The following HCRTR2 variants were observed in gnomAD, a reference collection of about 807,000 sequenced individuals.
The protein encoded by HCRTR2 is orexin receptor type 2.
Under a neutral mutation model 49.0 loss-of-function variants are expected in HCRTR2, and 22 were observed. The observed-to-expected ratio is 0.45, with a 90% CI of 0.32 to 0.64. The LOEUF is 0.64. Among genes scored for constraint, HCRTR2 ranks in the 30% least tolerant of loss-of-function variants. HCRTR2 has a pLI of 0.04. For missense variants in HCRTR2, 491 were observed against 559.4 expected (o/e 0.88, Z 1.23); for synonymous variants, 236 against 205.3 (o/e 1.15, Z -1.28).
intron 1 of HCRTR2, among the ~76,000 whole-genome samples, chr6:55,166,404 A>C (rs200401229): frequency 1.0e-5 from 1 of 98,882 alleles, no homozygotes; most frequent in Non-Finnish European, 2.2e-5. Context: ...GAGAATTGTT[A>C]GTTTTTTTTT....
chr6:55,183,411 A>G (rs1262412048), intron 1 of HCRTR2, among the ~76,000 whole-genome samples: 1 of 152,222 alleles, frequency 6.6e-6, no homozygotes, highest in Non-Finnish European at 1.5e-5. Context: ...GTGTTAGGCA[A>G]TTGGGTAAGT....
chr6:55,143,333 C>T (rs1414894775), intron 1 of HCRTR2, among the ~76,000 whole-genome samples: 2 of 151,998 alleles, frequency 1.3e-5, no homozygotes, highest in East Asian at 1.9e-4. Flanking sequence ...GAATAAAATG[C>T]TTTTCTCCAG....
intron 1 of HCRTR2, among the ~76,000 whole-genome samples, chr6:55,192,680 A>T (rs1472747066): frequency 6.6e-6 from 1 of 152,302 alleles, no homozygotes; most frequent in East Asian, 1.9e-4. Context: ...GTAAGTATTG[A>T]TTGATAAAAC....
At chr6:55,227,361 A>G (rs1315555984) in intron 1 of HCRTR2, among the ~76,000 whole-genome samples, 2 of 152,190 alleles carry the variant, frequency 1.3e-5, no homozygotes, top group Admixed American at 6.5e-5. Context: ...CACAAAAGCT[A>G]TTACTATGGG....
At chr6:55,233,804 C>T (rs1205259591) in intron 1 of HCRTR2, among the ~76,000 whole-genome samples, 2 of 151,914 alleles carry the variant, frequency 1.3e-5, no homozygotes, top group Non-Finnish European at 2.9e-5. Flanking sequence ...AAACTATATT[C>T]AAAAATAGGA....
At chr6:55,236,206 G>A (rs1247081606) in intron 1 of HCRTR2, among the ~76,000 whole-genome samples, 2 of 151,546 alleles carry the variant, frequency 1.3e-5, no homozygotes, top group Admixed American at 6.6e-5. Flanking sequence ...GAAATCATGT[G>A]TTTCTCATTA....
chr6:55,264,396 ATGTT>A (rs1250717468), intron 4 of HCRTR2, among the ~76,000 whole-genome samples: 1 of 152,114 alleles, frequency 6.6e-6, no homozygotes, highest in Non-Finnish European at 1.5e-5. Context: ...GTATCAGTGA[ATGTT>A]TGTATTCATT....
chr6:55,221,580 A>G (rs550645952), intron 1 of HCRTR2, among the ~76,000 whole-genome samples: 15 of 151,948 alleles, frequency 9.9e-5, no homozygotes, highest in East Asian at 7.8e-4. Flanking sequence ...TTGGGAGGCC[A>G]AGGGGGTCAG....
At position 55,198,307 on chromosome 6, in the gene HCRTR2, A is replaced by G. The variant is rs116561758; in HGVS notation, c.223+23497A>G. ...CTATATCTCCAACCCTAACCCTAAC[A>G]TTAACCCCAAACTTATCATTAATCA... On this transcript the variant is annotated intron_variant, in intron 1 of 6. Transcript: ENST00000370862. Among the ~76,000 whole-genome samples, 677 of 152,204 alleles carry G rather than the reference A, an allele frequency of 4.4e-3. 1 individual carries two copies. Among genetic ancestry groups the G allele is most frequent in the African/African-American group, 0.015 (621 of 41,526 alleles).
chr6:55,241,861 A>ATTTTTTTTTTTTTTTTTTTTTTTT lies in HCRTR2; in HGVS notation c.224-6755_224-6754insTTTTTTTTTTTTTTTTTTTTTTTT, dbSNP rs917427627. Among the ~76,000 whole-genome samples, 58 of 92,516 alleles carry ATTTTTTTTTTTTTTTTTTTTTTTT rather than the reference A, an allele frequency of 6.3e-4. 6 individuals carry two copies. The highest frequency in any genetic ancestry group is 1.0e-3 in the African/African-American group (23 of 22,964). 60.7% of individuals were successfully genotyped at this position (92,516 alleles called of 152,430 possible). A position where few individuals can be genotyped will look rare whatever the true frequency, so the allele number is the denominator to read the frequency against. On this transcript the variant is annotated intron_variant, in intron 1 of 6. Coordinates refer to ENST00000370862, the MANE Select transcript of HCRTR2 (RefSeq NM_001384272.1). ...GTAGTCTGTCTTACTATGGCAACTA[A>ATTTTTTTTTTTTTTTTTTTTTTTT]TTTTTTTTTTTTTTTTTTTTTTTGT...
intron 4 of HCRTR2, among the ~76,000 whole-genome samples, chr6:55,265,069 T>A (rs1766837273): frequency 6.6e-6 from 1 of 152,118 alleles, no homozygotes; most frequent in South Asian, 2.1e-4. Context: ...TCCTCTGCTA[T>A]TACAAAGAAG....
chr6:55,281,874 T>G (rs949316314), intron 6 of HCRTR2, among the ~76,000 whole-genome samples: 1 of 152,198 alleles, frequency 6.6e-6, no homozygotes, highest in Non-Finnish European at 1.5e-5. Context: ...TTGTGTTTAA[T>G]TATTAAATAT....
chr6:55,282,563 CT>C lies in HCRTR2; in HGVS notation c.*121del, dbSNP rs112521597. 96,624 of 438,518 alleles carry C rather than the reference CT, an allele frequency of 0.22. 1 individual carries two copies. Among genetic ancestry groups the C allele is most frequent in the East Asian group, 0.28 (6,180 of 21,916 alleles). The allele number at this position is 438,518 out of a possible 1,614,324, so 27.2% of individuals were successfully genotyped here. On this transcript the variant is annotated 3_prime_UTR_variant, in exon 7 of 7. Coordinates refer to ENST00000370862, the MANE Select transcript of HCRTR2 (RefSeq NM_001384272.1). ...TGTGAAGCTAAAATTACTTGTGGAT[CT>C]TTTTTTTTTTTAATCTATTGCTCTT... is the stretch of plus-strand genomic sequence containing the variant.
In HCRTR2 at chr6:55,262,652, T is replaced by C. The variant is rs1766787846; in HGVS notation, c.647-1055T>C. ...AATATATAAATTTATAAATATATAA[T>C]GATTATATATTATATAATATATAAA... On this transcript the variant is annotated intron_variant, in intron 3 of 6. Transcript: ENST00000370862. 2.2e-5 allele frequency among the ~76,000 whole-genome samples: 3 copies of C among 139,504 alleles called. No individual in the cohort carries two copies. In the South Asian group the frequency reaches 6.4e-4, roughly 30 times the overall value. The allele number at this position is 139,504 out of a possible 152,430, so 91.5% of individuals were successfully genotyped here.
chr6:55,158,942 C>A (rs1039598978), intron 1 of HCRTR2, among the ~76,000 whole-genome samples: 1 of 152,154 alleles, frequency 6.6e-6, no homozygotes, highest in Non-Finnish European at 1.5e-5. Flanking sequence ...CCCAGCACAG[C>A]GCTCGAGCTC....
chr6:55,226,967 C>T (rs1766020723), intron 1 of HCRTR2, among the ~76,000 whole-genome samples: 2 of 151,878 alleles, frequency 1.3e-5, no homozygotes, highest in African/African-American at 4.8e-5. Flanking sequence ...AGCAAAGTAA[C>T]TTTTCTTATT....
intron 6 of HCRTR2, among the ~76,000 whole-genome samples, chr6:55,281,197 G>A (rs1332438933): frequency 6.6e-6 from 1 of 151,948 alleles, no homozygotes; most frequent in Non-Finnish European, 1.5e-5. Context: ...AATTCATTTT[G>A]TGGCATATTT....
intron 4 of HCRTR2, among the ~76,000 whole-genome samples, chr6:55,269,871 T>C (rs1050054664): frequency 1.3e-5 from 2 of 152,060 alleles, no homozygotes; most frequent in Non-Finnish European, 2.9e-5. Context: ...AGCTGAGGCA[T>C]GAGAATCATT....
chr6:55,200,342 G>A (rs1184808657), intron 1 of HCRTR2, among the ~76,000 whole-genome samples: 5 of 150,396 alleles, frequency 3.3e-5, no homozygotes, highest in Non-Finnish European at 5.9e-5. Flanking sequence ...TTGGCTCACT[G>A]CAACTCCCGC....
Sources: allele counts gnomAD v4.1 joint callset (sites outside exome capture counted in the v4.1 genomes callset), GRCh38; gene constraint gnomAD v4.1.1; transcripts MANE v1.5; gene names NCBI Gene and HGNC (gene_info 2026-07-23, HGNC 2026-07-21).